WDPCP: variants seen among roughly 807,000 people sequenced by gnomAD.
The protein encoded by WDPCP is WD repeat containing planar cell polarity effector, also known as WD repeat-containing and planar cell polarity effector protein fritz homolog.
A neutral mutation model predicts 93.1 loss-of-function variants in WDPCP; 71 were observed. The ratio of observed to expected loss-of-function variants is 0.76; its 90% confidence interval spans 0.63 to 0.93. WDPCP has a LOEUF of 0.93. Among genes scored for constraint, WDPCP ranks in the 40% least tolerant of loss-of-function variants. WDPCP has a pLI of 0.00. For missense variants in WDPCP, 844 were observed against 887.4 expected (o/e 0.95, Z 0.62); for synonymous variants, 315 against 315.0 (o/e 1.00, Z 0.00).
At position 63,678,741 on chromosome 2, in the gene WDPCP, C is replaced by A. The variant is rs551157521; in HGVS notation, n.309-27903G>T. 2.0e-5 allele frequency among the ~76,000 whole-genome samples: 3 copies of A among 152,352 alleles called. No homozygotes were observed. The South Asian group carries it at 6.2e-4, about 32-fold the overall frequency. ...TATTTCTTTTGATTCTTTCTTCTGGCAGGCACAGTCAGGCAGAGAAGCACT... is the reference window on the plus strand; with the variant it reads ...TATTTCTTTTGATTCTTTCTTCTGGAAGGCACAGTCAGGCAGAGAAGCACT... On this transcript the variant is annotated intron_variant and non_coding_transcript_variant, in intron 2 of 4. Transcript: ENST00000467687.
rs550969175 is a variant in WDPCP, at chr2:63,362,535, C to T, written c.1748+15851G>A. On this transcript the variant is annotated intron_variant, in intron 12 of 17. Coordinates refer to ENST00000272321, the MANE Select transcript of WDPCP (RefSeq NM_015910.7). ...ACTGGTCTTCTTAGCTCTGCTTGTCCCCTGTGGTCTGAGTGAGCCTGATGT... is the reference window on the plus strand; with the variant it reads ...ACTGGTCTTCTTAGCTCTGCTTGTCTCCTGTGGTCTGAGTGAGCCTGATGT... Among the ~76,000 whole-genome samples, 16 of 152,018 alleles carry T rather than the reference C, an allele frequency of 1.1e-4. No individual in the cohort carries two copies. In the East Asian group the frequency reaches 3.1e-3, roughly 29 times the overall value.
intron 1 of WDPCP, among the ~76,000 whole-genome samples, chr2:63,540,806 T>C (rs1704656357): frequency 6.6e-6 from 1 of 152,020 alleles, no homozygotes; most frequent in East Asian, 1.9e-4. Flanking sequence ...CAGGCTGGAG[T>C]GCAGTGGGGC....
chr2:63,142,976 A>C lies in WDPCP; in HGVS notation c.2190+9938T>G, dbSNP rs540360180. Among the ~76,000 whole-genome samples, 20 of 152,126 alleles carry C rather than the reference A, an allele frequency of 1.3e-4. No individual in the cohort carries two copies. The East Asian group carries it at 3.9e-3, about 30-fold the overall frequency. On this transcript the variant is annotated intron_variant, in intron 17 of 17. Transcript: ENST00000272321. ...CCCATCTATATACATATTTTGAGAC[A>C]GAGTTTTGCTGTCATCCAGGCTGGA...
At chr2:63,519,017 A>C (rs1288843770) in intron 1 of WDPCP, 1 of 149,660 alleles carries the variant, frequency 6.7e-6, no homozygotes, top group African/African-American at 2.5e-5. Flanking sequence ...GTACACATGC[A>C]CCCACTGTAC....
In WDPCP at chr2:63,575,518, A is replaced by ATATACAGTATATACACT. The variant is rs1427622731; in HGVS notation, c.75+12678_75+12679insAGTGTATATACTGTATA. Among the ~76,000 whole-genome samples, 21 of 74,328 alleles carry ATATACAGTATATACACT rather than the reference A, an allele frequency of 2.8e-4. 5 individuals carry two copies. The highest frequency in any genetic ancestry group is 0.027 in the Middle Eastern group (2 of 74). The allele number at this position is 74,328 out of a possible 152,430, so 48.8% of individuals were successfully genotyped here. A position where few individuals can be genotyped will look rare whatever the true frequency, so the allele number is the denominator to read the frequency against. On this transcript the variant is annotated intron_variant, in intron 1 of 17. Transcript: ENST00000272321. ...TATACAGTATATACACTGTATATAT[A>ATATACAGTATATACACT]GTATATACAGTATATACACTGTATA... is the stretch of plus-strand genomic sequence containing the variant.
chr2:63,406,393 T>C (rs1694588829), intron 9 of WDPCP, among the ~76,000 whole-genome samples: 1 of 152,184 alleles, frequency 6.6e-6, no homozygotes, highest in Non-Finnish European at 1.5e-5. Flanking sequence ...AATATTTGAA[T>C]ATGAGCCATG....
chr2:63,813,034 T>C (rs1034072683), intron 2 of WDPCP, among the ~76,000 whole-genome samples: 1 of 151,670 alleles, frequency 6.6e-6, no homozygotes, highest in Non-Finnish European at 1.5e-5. Flanking sequence ...AAAAAAAAAA[T>C]TGTAGATATG....
rs189659541 is a variant in WDPCP at position 63,727,998 on chromosome 2, A to C, written n.309-77160T>G. Among the ~76,000 whole-genome samples the C allele has an allele frequency of 5.2e-3, 786 of 152,268 alleles. 4 individuals carry two copies. The highest frequency in any genetic ancestry group is 8.4e-3 in the Admixed American group (129 of 15,296). On this transcript the variant is annotated intron_variant and non_coding_transcript_variant, in intron 2 of 4. Coordinates refer to the WDPCP transcript ENST00000467687. ...CTAAAGCTAAAAGATCTTCCCCCTC[A>C]GTACTACAAATTTCAGAAAATAATA...
chr2:63,403,904 G>C (rs1263162542), intron 10 of WDPCP, 144 bp downstream of exon 10: 2 of 1,113,184 alleles, frequency 1.8e-6, no homozygotes. Context: ...TCCACAAAAG[G>C]GAACTATATG....
intron 2 of WDPCP, among the ~76,000 whole-genome samples, chr2:63,803,681 CAAAA>C (rs896376074): frequency 1.3e-5 from 2 of 152,050 alleles, no homozygotes; most frequent in African/African-American, 4.8e-5. Context: ...AACAGACACA[CAAAA>C]AATATGTTAT....
rs537127384 is a variant in WDPCP, at chr2:63,385,510, T to C, written c.1436-3416A>G. Among the ~76,000 whole-genome samples, 3 of 152,176 alleles carry C rather than the reference T, an allele frequency of 2.0e-5. No individual in the cohort carries two copies. In the South Asian group the frequency reaches 6.2e-4, roughly 32 times the overall value. The stretch of plus-strand genomic sequence containing the variant: ...CAATAAAAATTGTAATAAAAATATT[T>C]ACAATATAATCCAAAAACATGCAAT... On this transcript the variant is annotated intron_variant, in intron 10 of 17. Coordinates refer to ENST00000272321, the MANE Select transcript of WDPCP (RefSeq NM_015910.7).
At chr2:63,563,512 T>C (rs1472413859) in intron 1 of WDPCP, among the ~76,000 whole-genome samples, 2 of 151,196 alleles carry the variant, frequency 1.3e-5, no homozygotes, top group East Asian at 3.9e-4. Context: ...GGCAAATCCA[T>C]AGAGACACTG....
At position 63,588,474 on chromosome 2, in the gene WDPCP, T is replaced by C. The variant is rs1709039357; in HGVS notation, c.-203A>G. The C allele has an allele frequency of 1.1e-5, 7 of 661,792 alleles. No individual in the cohort carries two copies. In the East Asian group the frequency reaches 1.1e-4, roughly 10 times the overall value. 41.0% of individuals were successfully genotyped at this position (661,792 alleles called of 1,614,324 possible). Reference sequence around the variant, plus strand: ...GAGAAGCTGTCCGGTCGTCCCAACTTATCAATTCCCCCGCCCCTCCAGAGT... The same window carrying C: ...GAGAAGCTGTCCGGTCGTCCCAACTCATCAATTCCCCCGCCCCTCCAGAGT... On this transcript the variant is annotated 5_prime_UTR_variant, in exon 1 of 18. In the 5' UTR this introduces an upstream ATG that the reference lacks. Coordinates refer to ENST00000272321, the MANE Select transcript of WDPCP (RefSeq NM_015910.7).
rs183881849 is a variant in WDPCP at position 63,287,946 on chromosome 2, G to A, written c.1812+25302C>T. ...ATAAATGGTAAGTCTTGTTTCAGAA[G>A]TTAGCAGGTATAAAACTCCTCTATA... On this transcript the variant is annotated intron_variant, in intron 13 of 17. Coordinates refer to ENST00000272321, the MANE Select transcript of WDPCP (RefSeq NM_015910.7). Among the ~76,000 whole-genome samples the A allele has an allele frequency of 2.4e-4, 37 of 152,298 alleles. No homozygotes were observed. The East Asian group carries it at 2.5e-3, about 10-fold the overall frequency.
intron 13 of WDPCP, among the ~76,000 whole-genome samples, chr2:63,301,636 G>A (rs1685339413): frequency 6.6e-6 from 1 of 152,068 alleles, no homozygotes; most frequent in Non-Finnish European, 1.5e-5. Context: ...TAGTTCCTCT[G>A]GTTCCATGGC....
chr2:63,824,920 T>C (rs1412447606), intron 1 of WDPCP, among the ~76,000 whole-genome samples: 2 of 152,118 alleles, frequency 1.3e-5, no homozygotes, highest in Non-Finnish European at 2.9e-5. Flanking sequence ...TTTTACAATA[T>C]AACAGTTAAT....
chr2:63,347,288 T>C (rs912717964), intron 12 of WDPCP, among the ~76,000 whole-genome samples: 9 of 152,218 alleles, frequency 5.9e-5, no homozygotes, highest in African/African-American at 2.2e-4. Flanking sequence ...CTAGTTATAT[T>C]TGAACTTCAG....
chr2:63,514,414 C>T (rs964903), intron 1 of WDPCP, among the ~76,000 whole-genome samples: 122,218 of 152,042 alleles, frequency 0.8, 49,813 homozygotes, highest in East Asian at 0.98. Flanking sequence ...TTCCTTCAAA[C>T]TGATGGTCCG....
At chr2:63,248,773 T>C (rs1052696388) in intron 14 of WDPCP, among the ~76,000 whole-genome samples, 44 of 152,150 alleles carry the variant, frequency 2.9e-4, no homozygotes, top group African/African-American at 1.0e-3. Context: ...TTGGCTGATT[T>C]TTTTTCTTCT....
Sources: gnomAD v4.1 joint callset for allele counts (sites outside exome capture counted in the v4.1 genomes callset) on GRCh38, gnomAD v4.1.1 for gene constraint, MANE v1.5 for transcripts, NCBI Gene and HGNC (gene_info 2026-07-23, HGNC 2026-07-21) for gene names.